TCF7L2: variants seen among roughly 807,000 people sequenced by gnomAD.
TCF7L2 encodes the protein transcription factor 7 like 2.
In TCF7L2, 23 loss-of-function variants were observed where a neutral mutation model predicts 77.9. The observed-to-expected ratio is 0.30, with a 90% CI of 0.21 to 0.42. TCF7L2 has a LOEUF of 0.42. Among genes scored for constraint, TCF7L2 ranks in the 10% least tolerant of loss-of-function variants. The pLI is 1.00. For synonymous variants in TCF7L2, 413 were observed against 340.2 expected, an observed-to-expected ratio of 1.21 and a Z score of -2.36; for missense variants, 654 against 793.1, an observed-to-expected ratio of 0.82 and a Z score of 2.11.
intron 5 of TCF7L2, among the ~76,000 whole-genome samples, chr10:113,057,807 C>T (rs2055663149): frequency 6.6e-6 from 1 of 152,124 alleles, no homozygotes; most frequent in Admixed American, 6.5e-5. Context: ...TCATTCAGTT[C>T]ATAGCTAAGG....
chr10:113,065,501 G>T (rs1591233631), intron 5 of TCF7L2, among the ~76,000 whole-genome samples: 1 of 152,282 alleles, frequency 6.6e-6, no homozygotes, highest in South Asian at 2.1e-4. Flanking sequence ...TGTGGCCCCG[G>T]CTGTCTGGCT....
chr10:113,149,882 C>T (rs2070369701), intron 8 of TCF7L2, among the ~76,000 whole-genome samples: 1 of 152,208 alleles, frequency 6.6e-6, no homozygotes, highest in Non-Finnish European at 1.5e-5. Context: ...GGATTCTGCC[C>T]TTTCTGTCCC....
At chr10:112,969,823 T>C (rs915511294) in intron 4 of TCF7L2, among the ~76,000 whole-genome samples, 7 of 152,194 alleles carry the variant, frequency 4.6e-5, no homozygotes, top group African/African-American at 1.7e-4. Context: ...CAGATGTGTG[T>C]AAACAGAGCT....
At chr10:113,095,108 A>G (rs1478136504) in intron 5 of TCF7L2, among the ~76,000 whole-genome samples, 3 of 152,212 alleles carry the variant, frequency 2.0e-5, no homozygotes, top group African/African-American at 7.2e-5. Flanking sequence ...TCCATCTCAA[A>G]AAATAAAAAC....
chr10:112,952,336 G>A (rs1483808712), intron 3 of TCF7L2, among the ~76,000 whole-genome samples: 1 of 152,160 alleles, frequency 6.6e-6, no homozygotes, highest in East Asian at 1.9e-4. Context: ...GGGCTCTGAG[G>A]CGTCCTTTTC....
intron 4 of TCF7L2, among the ~76,000 whole-genome samples, chr10:112,996,371 G>A (rs2043485271): frequency 6.6e-6 from 1 of 152,074 alleles, no homozygotes; most frequent in South Asian, 2.1e-4. Flanking sequence ...ATTTTACATG[G>A]GAAACCTAAA....
At chr10:113,101,602 G>A (rs1269911684) in intron 5 of TCF7L2, among the ~76,000 whole-genome samples, 1 of 151,968 alleles carries the variant, frequency 6.6e-6, no homozygotes, top group African/African-American at 2.4e-5. Context: ...CAGCACTTTG[G>A]GAGGTTGAGG....
chr10:113,103,464 C>T (rs777881928), intron 5 of TCF7L2, among the ~76,000 whole-genome samples: 38 of 151,646 alleles, frequency 2.5e-4, no homozygotes, highest in South Asian at 1.7e-3. Context: ...TTGGATCCCG[C>T]GAAGTAAGAA....
chr10:113,053,571 C>T (rs1482283520), intron 5 of TCF7L2, among the ~76,000 whole-genome samples: 2 of 152,080 alleles, frequency 1.3e-5, no homozygotes, highest in African/African-American at 4.8e-5. Context: ...ATGCTAGCTC[C>T]CCTGTTCCTG....
chr10:113,164,547 C>T (rs1244798836), intron 13 of TCF7L2, among the ~76,000 whole-genome samples: 1 of 151,712 alleles, frequency 6.6e-6, no homozygotes, highest in African/African-American at 2.4e-5. Flanking sequence ...CACCATCTCT[C>T]CTTCCAACCT....
chr10:112,965,627 ATATGTGTGTGTG>A (rs2036573509), intron 4 of TCF7L2, among the ~76,000 whole-genome samples: 1 of 68,194 alleles, frequency 1.5e-5, no homozygotes, highest in South Asian at 8.7e-4. Flanking sequence ...GTGTGTGTGT[ATATGTGTGTGTG>A]TGTGTGTGTG....
At chr10:113,046,794 C>A (rs1328568768) in intron 5 of TCF7L2, among the ~76,000 whole-genome samples, 2 of 152,124 alleles carry the variant, frequency 1.3e-5, no homozygotes, top group Non-Finnish European at 2.9e-5. Flanking sequence ...CATAATCTCA[C>A]CACTCGGAGA....
chr10:113,063,988 TG>T (rs2056895574), intron 5 of TCF7L2, among the ~76,000 whole-genome samples: 1 of 151,780 alleles, frequency 6.6e-6, no homozygotes, highest in Admixed American at 6.6e-5. Context: ...TAAAAGGCAG[TG>T]AGGTTCCTGA....
At chr10:112,978,710 A>T (rs2039918121) in intron 4 of TCF7L2, among the ~76,000 whole-genome samples, 1 of 147,410 alleles carries the variant, frequency 6.8e-6, no homozygotes, top group Non-Finnish European at 1.5e-5. Context: ...CGATCTCCTG[A>T]CCTTGTGATC....
chr10:112,964,470 T>G, intron 3 of TCF7L2, 86 bp from the exon 4 acceptor site: 1 of 1,245,950 alleles, frequency 8.0e-7, no homozygotes, highest in Non-Finnish European at 1.2e-6. Context: ...TCTAGGAAGG[T>G]TTGTCTGCTA....
chr10:113,099,323 A>G (rs1231470574), intron 5 of TCF7L2, among the ~76,000 whole-genome samples: 1 of 152,190 alleles, frequency 6.6e-6, no homozygotes, highest in East Asian at 1.9e-4. Flanking sequence ...AGATTTGGGC[A>G]TAATGTTTAA....
Position 113,053,123 on chromosome 10 carries a change from G to A in TCF7L2, c.552+12997G>A, listed in dbSNP as rs150347964. On this transcript the variant is annotated intron_variant, in intron 5 of 13. Coordinates refer to ENST00000627217, the MANE Select transcript of TCF7L2 (RefSeq NM_001146274.2). ...AGTTTTGGAACATAATTTGAAAAATGTAACCCATTGAGAGGCAGTAAGGAC... is the reference window on the plus strand; with the variant it reads ...AGTTTTGGAACATAATTTGAAAAATATAACCCATTGAGAGGCAGTAAGGAC... 3.8e-3 allele frequency among the ~76,000 whole-genome samples: 578 copies of A among 152,290 alleles called. 2 individuals are homozygous for A. Among genetic ancestry groups the A allele is most frequent in the Middle Eastern group, 6.8e-3 (2 of 294 alleles).
intron 5 of TCF7L2, among the ~76,000 whole-genome samples, chr10:113,067,815 C>G (rs1042534625): frequency 1.3e-5 from 2 of 151,684 alleles, no homozygotes; most frequent in African/African-American, 4.8e-5. Flanking sequence ...CTTTTTGTCC[C>G]TTTAGCTCGG....
intron 5 of TCF7L2, among the ~76,000 whole-genome samples, chr10:113,076,780 T>C (rs1030216626): frequency 1.3e-5 from 2 of 152,222 alleles, no homozygotes; most frequent in African/African-American, 4.8e-5. Context: ...TAGCAAGCTG[T>C]GCCATTAGTT....
Sources: gnomAD v4.1 joint callset for allele counts (sites outside exome capture counted in the v4.1 genomes callset) on GRCh38, gnomAD v4.1.1 for gene constraint, MANE v1.5 for transcripts, NCBI Gene and HGNC (gene_info 2026-07-23, HGNC 2026-07-21) for gene names.